CNTN4: variants seen among roughly 807,000 people sequenced by gnomAD.
The protein encoded by CNTN4 is contactin 4, also known as contactin-4.
CNTN4 carries 77 observed loss-of-function variants against 122.5 expected under a neutral mutation model. That is an observed-to-expected ratio of 0.63 (90% confidence interval 0.52 to 0.76). The LOEUF (loss-of-function observed/expected upper bound fraction) is 0.76. Among genes scored for constraint, CNTN4 ranks in the 30% least tolerant of loss-of-function variants. CNTN4 has a pLI of 0.00. For synonymous variants in CNTN4, 512 were observed against 447.0 expected, an observed-to-expected ratio of 1.15 and a Z score of -1.83; for missense variants, 1,256 against 1,259.1, an observed-to-expected ratio of 1.00 and a Z score of 0.04.
intron 2 of CNTN4, among the ~76,000 whole-genome samples, chr3:2,105,087 G>A (rs2032322795): frequency 6.6e-6 from 1 of 152,252 alleles, no homozygotes; most frequent in South Asian, 2.1e-4. Flanking sequence ...GCAGTGAGAT[G>A]CTTTGCTTTT....
At chr3:2,225,452 G>T (rs981824155) in intron 2 of CNTN4, among the ~76,000 whole-genome samples, 1 of 151,966 alleles carries the variant, frequency 6.6e-6, no homozygotes, top group Non-Finnish European at 1.5e-5. Context: ...GGCAGAGCTT[G>T]CAGTGAGCCG....
intron 4 of CNTN4, among the ~76,000 whole-genome samples, chr3:2,711,347 C>A (rs1056567572): frequency 1.3e-5 from 2 of 152,168 alleles, no homozygotes; most frequent in Non-Finnish European, 2.9e-5. Flanking sequence ...TGGAGTGTTA[C>A]AAAGCCTCCT....
At chr3:2,456,074 T>C (rs2048988299) in intron 3 of CNTN4, among the ~76,000 whole-genome samples, 1 of 152,118 alleles carries the variant, frequency 6.6e-6, no homozygotes, top group South Asian at 2.1e-4. Flanking sequence ...CTATCATGAA[T>C]TGAGGTGAAG....
At chr3:2,320,156 T>A (rs758209326) in intron 2 of CNTN4, among the ~76,000 whole-genome samples, 1 of 152,152 alleles carries the variant, frequency 6.6e-6, no homozygotes, top group East Asian at 1.9e-4. Context: ...TTCTTAAGCA[T>A]CTTTGTTGTT....
At chr3:2,729,682 AG>A (rs769423678) in intron 4 of CNTN4, among the ~76,000 whole-genome samples, 25 of 152,100 alleles carry the variant, frequency 1.6e-4, no homozygotes, top group Non-Finnish European at 2.9e-4. Context: ...TGGGATGCGA[AG>A]GCAGGCGGAT....
chr3:2,320,080 A>G (rs2043230263), intron 2 of CNTN4, among the ~76,000 whole-genome samples: 4 of 152,226 alleles, frequency 2.6e-5, no homozygotes, highest in Admixed American at 2.6e-4. Context: ...AAGAGAATAT[A>G]GCTGAAACAA....
chr3:2,811,210 GAC>G (rs756041777), intron 6 of CNTN4, among the ~76,000 whole-genome samples: 3 of 151,536 alleles, frequency 2.0e-5, no homozygotes, highest in Non-Finnish European at 2.9e-5. Flanking sequence ...AGGAGTTCGA[GAC>G]CAGCCTGGCC....
chr3:2,390,538 A>G (rs79950497), intron 3 of CNTN4, among the ~76,000 whole-genome samples: 4,825 of 152,276 alleles, frequency 0.032, 119 homozygotes, highest in Non-Finnish European at 0.043. Flanking sequence ...AGTTGAATTG[A>G]TATGAATACC....
chr3:2,680,202 T>C (rs776082333), intron 4 of CNTN4, among the ~76,000 whole-genome samples: 1 of 152,132 alleles, frequency 6.6e-6, no homozygotes, highest in Non-Finnish European at 1.5e-5. Context: ...AATAGATACA[T>C]GAACCCATCT....
At chr3:2,378,253 G>C (rs2045894126) in intron 3 of CNTN4, among the ~76,000 whole-genome samples, 1 of 152,200 alleles carries the variant, frequency 6.6e-6, no homozygotes, top group South Asian at 2.1e-4. Context: ...CTGATCCACA[G>C]TTATTCGGGG....
At chr3:3,000,183 T>A (rs538868100) in intron 14 of CNTN4, among the ~76,000 whole-genome samples, 141 of 150,102 alleles carry the variant, frequency 9.4e-4, no homozygotes, top group African/African-American at 3.3e-3. Flanking sequence ...ATATACTCTT[T>A]AAAAAAAAAA....
intron 2 of CNTN4, among the ~76,000 whole-genome samples, chr3:2,319,896 A>G (rs1387413045): frequency 6.6e-6 from 1 of 152,184 alleles, no homozygotes; most frequent in African/African-American, 2.4e-5. Flanking sequence ...CATTTGTAAT[A>G]GTAATACATG....
intron 7 of CNTN4, among the ~76,000 whole-genome samples, chr3:2,861,125 G>C (rs13324783): frequency 0.21 from 32,628 of 152,078 alleles, 3,785 homozygotes; most frequent in South Asian, 0.32. Flanking sequence ...AGGCAGGGAA[G>C]GTATTCTTTT....
At chr3:2,792,528 C>G (rs1266726981) in intron 6 of CNTN4, among the ~76,000 whole-genome samples, 1 of 152,212 alleles carries the variant, frequency 6.6e-6, no homozygotes, top group African/African-American at 2.4e-5. Flanking sequence ...CTAATTCTGG[C>G]TGTGAGCTTC....
At chr3:2,344,390 C>T (rs1429990209) in intron 3 of CNTN4, among the ~76,000 whole-genome samples, 1 of 151,846 alleles carries the variant, frequency 6.6e-6, no homozygotes, top group Non-Finnish European at 1.5e-5. Flanking sequence ...AGCAGTTCTC[C>T]TGCCCCAGCC....
chr3:2,243,514 G>T (rs1030130880), intron 2 of CNTN4, among the ~76,000 whole-genome samples: 2 of 148,694 alleles, frequency 1.3e-5, no homozygotes, highest in African/African-American at 2.6e-5. Flanking sequence ...AGATTGTTTT[G>T]TGATTTTTTT....
chr3:2,946,167 A>G (rs575696630), intron 13 of CNTN4, among the ~76,000 whole-genome samples: 43 of 152,206 alleles, frequency 2.8e-4, no homozygotes, highest in Non-Finnish European at 5.6e-4. Context: ...GCATATCACT[A>G]TTGTTGAAAA....
At chr3:2,175,294 G>A (rs1395432871) in intron 2 of CNTN4, among the ~76,000 whole-genome samples, 1 of 151,404 alleles carries the variant, frequency 6.6e-6, no homozygotes, top group East Asian at 1.9e-4. Context: ...AGGATTCCCT[G>A]TCTAGAATAT....
chr3:2,295,602 C>A (rs141460575), intron 2 of CNTN4, among the ~76,000 whole-genome samples: 2 of 151,930 alleles, frequency 1.3e-5, no homozygotes, highest in African/African-American at 4.8e-5. Flanking sequence ...GAGTAGGTTG[C>A]GAAAATTTTC....
Sources: gnomAD v4.1 joint callset for allele counts (sites outside exome capture counted in the v4.1 genomes callset) on GRCh38, gnomAD v4.1.1 for gene constraint, MANE v1.5 for transcripts, NCBI Gene and HGNC (gene_info 2026-07-23, HGNC 2026-07-21) for gene names.